PAPPA2: variants seen among roughly 807,000 people sequenced by gnomAD.
PAPPA2 encodes pappalysin-2.
In PAPPA2, 86 loss-of-function variants were observed where a neutral mutation model predicts 176.4. The ratio of observed to expected loss-of-function variants is 0.49; its 90% CI spans 0.41 to 0.58. PAPPA2 has a LOEUF of 0.58. Ranked by LOEUF, PAPPA2 falls within the 20% of genes least tolerant of loss-of-function variation. PAPPA2 has a pLI of 0.00. For synonymous variants in PAPPA2, 809 were observed against 852.2 expected (o/e 0.95, Z 0.88); for missense variants, 2,073 against 2,256.9 (o/e 0.92, Z 1.65).
At chr1:176,684,742 A>G (rs929023627) in intron 4 of PAPPA2, among the ~76,000 whole-genome samples, 7 of 152,204 alleles carry the variant, frequency 4.6e-5, no homozygotes, top group Admixed American at 1.3e-4. Context: ...CTGATCTAAC[A>G]ATAATTTGAG....
intron 2 of PAPPA2, among the ~76,000 whole-genome samples, chr1:176,568,170 G>T (rs1652095310): frequency 1.3e-5 from 2 of 152,262 alleles, no homozygotes; most frequent in South Asian, 4.1e-4. Context: ...AAGACTCAAG[G>T]TCTTGTATTA....
intron 1 of PAPPA2, 123 bp from the exon 2 acceptor site, chr1:176,555,284 A>G (rs1476370621): frequency 2.6e-5 from 4 of 152,534 alleles, no homozygotes; most frequent in Non-Finnish European, 4.4e-5. Context: ...AAAAACAAAA[A>G]CAAAAAACAA....
At chr1:176,800,961 A>G (rs892750457) in intron 21 of PAPPA2, among the ~76,000 whole-genome samples, 3 of 152,184 alleles carry the variant, frequency 2.0e-5, no homozygotes, top group Non-Finnish European at 4.4e-5. Flanking sequence ...CTTTAGTTAG[A>G]TTAACTGAAG....
intron 12 of PAPPA2, among the ~76,000 whole-genome samples, chr1:176,727,378 T>C (rs1190803575): frequency 1.3e-5 from 2 of 152,158 alleles, no homozygotes; most frequent in Non-Finnish European, 2.9e-5. Context: ...TTATGTACCA[T>C]GTATATCCTA....
intron 21 of PAPPA2, among the ~76,000 whole-genome samples, chr1:176,832,991 G>C (rs761211380): frequency 6.6e-6 from 1 of 152,114 alleles, no homozygotes; most frequent in Non-Finnish European, 1.5e-5. Flanking sequence ...GCCGTGGTTT[G>C]AGGTCCTACA....
At chr1:176,536,952 C>T (rs1286174682) in intron 1 of PAPPA2, among the ~76,000 whole-genome samples, 1 of 152,148 alleles carries the variant, frequency 6.6e-6, no homozygotes, top group South Asian at 2.1e-4. Context: ...GTACAATTAT[C>T]ATTCTGATTT....
intron 14 of PAPPA2, among the ~76,000 whole-genome samples, chr1:176,752,379 G>T (rs974403730): frequency 1.3e-5 from 2 of 149,894 alleles, no homozygotes; most frequent in Non-Finnish European, 3.0e-5. Flanking sequence ...TTACCATTAG[G>T]CTGTTATTAT....
intron 1 of PAPPA2, among the ~76,000 whole-genome samples, chr1:176,501,078 T>C (rs1246141034): frequency 2.0e-5 from 3 of 148,340 alleles, no homozygotes; most frequent in Non-Finnish European, 3.0e-5. Context: ...TAATAGAATA[T>C]ATTAATATTT....
chr1:176,706,245 C>T (rs1660875711), intron 9 of PAPPA2, 114 bp from the exon 10 acceptor site: 2 of 847,202 alleles, frequency 2.4e-6, no homozygotes, highest in South Asian at 1.8e-5. Context: ...CTACTTTTTT[C>T]CAACTTGCAC....
intron 3 of PAPPA2, among the ~76,000 whole-genome samples, chr1:176,633,958 GA>G (rs1319462492): frequency 6.6e-6 from 1 of 152,190 alleles, no homozygotes; most frequent in Non-Finnish European, 1.5e-5. Flanking sequence ...TGCTGGAGAG[GA>G]TGTGGAGAAA....
intron 3 of PAPPA2, among the ~76,000 whole-genome samples, chr1:176,617,108 C>T (rs1355353425): frequency 6.6e-6 from 1 of 152,098 alleles, no homozygotes; most frequent in Non-Finnish European, 1.5e-5. Context: ...CTTATAGGGG[C>T]TTTTTGGTGG....
At chr1:176,698,309 A>T (rs542346420) in intron 7 of PAPPA2, among the ~76,000 whole-genome samples, 196 of 152,324 alleles carry the variant, frequency 1.3e-3, no homozygotes, top group African/African-American at 4.6e-3. Context: ...GCATAGAAAG[A>T]TGTGCCACAG....
In PAPPA2 at chr1:176,594,872, TG is replaced by T. The variant is rs1653873668; in HGVS notation, c.1271del (p.Gly424AlafsTer33). ...GATGGGCACTATTTCCGTGGACACC[TG>T]GGCACACTGGTTTTCTGGTCGACCG... The part of the protein sequence containing the change: ...SEDGHYFRGH[L>X]GTLVFWSTAL... On this transcript the variant is annotated frameshift_variant, in exon 3 of 23. Coordinates refer to ENST00000367662, the MANE Select transcript of PAPPA2 (RefSeq NM_020318.3). LOFTEE classifies it high-confidence loss of function. 6.2e-7 allele frequency: 1 copy of T among 1,614,092 alleles called. No individual in the cohort carries two copies. The highest frequency in any genetic ancestry group is 1.7e-5 in the Admixed American group (1 of 60,012).
chr1:176,765,589 G>A (rs533988171), intron 14 of PAPPA2, 77 bp from the exon 15 acceptor site: 12 of 1,424,752 alleles, frequency 8.4e-6, no homozygotes, highest in Non-Finnish European at 1.2e-5. Flanking sequence ...AGCCCTCCCA[G>A]ATGGAGCTGC....
chr1:176,508,998 T>C (rs542010796), intron 1 of PAPPA2, among the ~76,000 whole-genome samples: 6 of 152,156 alleles, frequency 3.9e-5, no homozygotes, highest in African/African-American at 1.2e-4. Flanking sequence ...CAATGGCTTT[T>C]GGAAAAATTT....
In PAPPA2 at chr1:176,831,263, T is replaced by C. The variant is rs141039621; in HGVS notation, c.5203-8910T>C. On this transcript the variant is annotated intron_variant, in intron 21 of 22. Transcript: ENST00000367662. ...GTGAGGGAAGAGATAGGGCAAAAGG[T>C]ACCCAACACCTTACCATCAGCAAGG... 2.7e-3 allele frequency among the ~76,000 whole-genome samples: 416 copies of C among 152,174 alleles called. 3 individuals are homozygous for C. Among genetic ancestry groups the C allele is most frequent in the African/African-American group, 9.6e-3 (398 of 41,498 alleles).
intron 1 of PAPPA2, among the ~76,000 whole-genome samples, chr1:176,470,114 A>G (rs1229847059): frequency 1.3e-5 from 2 of 152,186 alleles, no homozygotes; most frequent in East Asian, 3.9e-4. Context: ...AATAACAGAA[A>G]TTCACACTAA....
Position 176,780,736 on chromosome 1 carries a change from C to A in PAPPA2, c.4716-9073C>A, listed in dbSNP as rs532879900. The stretch of plus-strand genomic sequence containing the variant: ...ACCTAATATAATAAATAGGCATATT[C>A]TCGGTGCTCAATAAATATTTGTTGA... On this transcript the variant is annotated intron_variant, in intron 17 of 22. Coordinates refer to ENST00000367662, the MANE Select transcript of PAPPA2 (RefSeq NM_020318.3). 3.3e-5 allele frequency among the ~76,000 whole-genome samples: 5 copies of A among 152,076 alleles called. No individual in the cohort carries two copies. The South Asian group carries it at 1.0e-3, about 32-fold the overall frequency.
At chr1:176,616,931 G>A in intron 3 of PAPPA2, 1 of 400,980 alleles carries the variant, frequency 2.5e-6, no homozygotes, top group Non-Finnish European at 4.6e-6. Context: ...TGTAAGTAAT[G>A]ATAAATGAAA....
Sources: gnomAD v4.1 joint callset for allele counts (sites outside exome capture counted in the v4.1 genomes callset) on GRCh38, gnomAD v4.1.1 for gene constraint, MANE v1.5 for transcripts, NCBI Gene and HGNC (gene_info 2026-07-23, HGNC 2026-07-21) for gene names.